RYR3: variants seen among roughly 807,000 people sequenced by gnomAD.
RYR3 encodes the protein ryanodine receptor 3.
Under a neutral mutation model 584.3 loss-of-function variants are expected in RYR3, and 207 were observed. That is an observed-to-expected ratio of 0.35 (90% CI 0.32 to 0.40). RYR3 has a LOEUF of 0.40. Ranked by LOEUF, RYR3 falls within the 10% of genes least tolerant of loss-of-function variation. The probability of loss-of-function intolerance (pLI) is 1.00; values close to 1 mark genes in which losing one functional copy is unlikely to be tolerated. For missense variants in RYR3, 5,616 were observed against 6,089.2 expected (o/e 0.92, Z 2.59); for synonymous variants, 2,416 against 2,248.5 (o/e 1.07, Z -2.11).
chr15:33,811,435 T>C (rs1045420601), intron 72 of RYR3, among the ~76,000 whole-genome samples: 7 of 151,224 alleles, frequency 4.6e-5, no homozygotes, highest in African/African-American at 7.3e-5. Context: ...GGTGTGAACC[T>C]GGGAGACGGA....
At chr15:33,630,074 A>G in intron 22 of RYR3, 31 bp downstream of exon 22, 1 of 1,213,752 alleles carries the variant, frequency 8.2e-7, no homozygotes, top group Non-Finnish European at 1.2e-6. Flanking sequence ...AAGTTTTACA[A>G]ACAATGAATA....
At chr15:33,739,495 A>C (rs1449131967) in intron 50 of RYR3, among the ~76,000 whole-genome samples, 1 of 147,648 alleles carries the variant, frequency 6.8e-6, no homozygotes, top group Non-Finnish European at 1.5e-5. Context: ...GACCATCCTT[A>C]GCAGACAAGT....
At chr15:33,814,028 C>A (rs899930819) in intron 74 of RYR3, among the ~76,000 whole-genome samples, 1 of 152,204 alleles carries the variant, frequency 6.6e-6, no homozygotes. Flanking sequence ...ACTTGAAAAT[C>A]TTTTAGCACA....
Position 33,757,397 on chromosome 15 carries a change from A to G in RYR3, c.8584-78A>G, listed in dbSNP as rs968653835. 2.0e-5 allele frequency: 30 copies of G among 1,496,394 alleles called. No homozygotes were observed. In the African/African-American group the frequency reaches 3.2e-4, roughly 16 times the overall value. The allele number at this position is 1,496,394 out of a possible 1,614,324, so 92.7% of individuals were successfully genotyped here. A position where few individuals can be genotyped will look rare whatever the true frequency, so the allele number is the denominator to read the frequency against. On this transcript the variant is annotated intron_variant, in intron 59 of 103. Coordinates refer to ENST00000634891, the MANE Select transcript of RYR3 (RefSeq NM_001036.6). Reference sequence around the variant, plus strand: ...GGGTTCAGAGGCTTTTTGCTCACTGAAAATAAACACTTTTAAATGAACCAA... The same window carrying G: ...GGGTTCAGAGGCTTTTTGCTCACTGGAAATAAACACTTTTAAATGAACCAA...
chr15:33,531,822 T>G (rs2141059452), intron 4 of RYR3, among the ~76,000 whole-genome samples: 2 of 152,174 alleles, frequency 1.3e-5, no homozygotes, highest in Admixed American at 1.3e-4. Flanking sequence ...ATATCTGGAA[T>G]TGAGAAGGTG....
intron 57 of RYR3, among the ~76,000 whole-genome samples, chr15:33,750,871 T>C (rs2071221277): frequency 6.6e-6 from 1 of 152,036 alleles, no homozygotes; most frequent in Non-Finnish European, 1.5e-5. Flanking sequence ...ATCCCTCCCC[T>C]ACCCCCACAA....
chr15:33,750,624 AATG>A (rs2071190067), intron 57 of RYR3, among the ~76,000 whole-genome samples: 1 of 152,204 alleles, frequency 6.6e-6, no homozygotes, highest in South Asian at 2.1e-4. Context: ...TGGAGTTATA[AATG>A]ACATCCATAA....
At chr15:33,717,755 C>G (rs2067608411) in intron 43 of RYR3, among the ~76,000 whole-genome samples, 1 of 152,204 alleles carries the variant, frequency 6.6e-6, no homozygotes, top group South Asian at 2.1e-4. Context: ...GGGGGTGGCT[C>G]TGTTCCACTG....
chr15:33,748,621 C>T (rs1415054438), intron 55 of RYR3, 91 bp downstream of exon 55: 4 of 1,064,626 alleles, frequency 3.8e-6, no homozygotes, highest in South Asian at 2.7e-5. Context: ...GAAAGAATGC[C>T]TAGAACATAT....
intron 67 of RYR3, among the ~76,000 whole-genome samples, chr15:33,790,787 A>G (rs186213606): frequency 7.9e-5 from 12 of 152,306 alleles, no homozygotes; most frequent in African/African-American, 2.9e-4. Flanking sequence ...GTTCCTCAGT[A>G]CTAAGAGGTC....
At chr15:33,841,751 A>C in intron 90 of RYR3, 113 bp from the exon 91 acceptor site, 1 of 1,064,980 alleles carries the variant, frequency 9.4e-7, no homozygotes, top group Non-Finnish European at 1.3e-6. Flanking sequence ...ACCTTCAAGG[A>C]ATGATTCTAC....
chr15:33,531,508 G>A (rs987581086), intron 4 of RYR3, among the ~76,000 whole-genome samples: 2 of 151,870 alleles, frequency 1.3e-5, no homozygotes, highest in African/African-American at 2.4e-5. Context: ...AAACTGATAC[G>A]TTAATTCAAG....
intron 2 of RYR3, among the ~76,000 whole-genome samples, chr15:33,491,794 C>G (rs28733044): frequency 6.6e-6 from 1 of 152,132 alleles, no homozygotes; most frequent in Non-Finnish European, 1.5e-5. Flanking sequence ...CCAGTCCCCC[C>G]AGATACTGAG....
intron 3 of RYR3, among the ~76,000 whole-genome samples, chr15:33,508,572 C>T (rs1267067242): frequency 6.6e-6 from 1 of 152,104 alleles, no homozygotes; most frequent in Non-Finnish European, 1.5e-5. Context: ...ATGGTGTGAA[C>T]CTGGGAGGTG....
At chr15:33,538,945 AAAGTGTGT>A (rs1305678387) in intron 5 of RYR3, among the ~76,000 whole-genome samples, 1 of 152,114 alleles carries the variant, frequency 6.6e-6, no homozygotes, top group African/African-American at 2.4e-5. Context: ...GACAAAGATG[AAAGTGTGT>A]AAGTGTGCAG....
At chr15:33,809,511 C>G (rs2076394203) in intron 70 of RYR3, among the ~76,000 whole-genome samples, 1 of 152,068 alleles carries the variant, frequency 6.6e-6, no homozygotes, top group African/African-American at 2.4e-5. Context: ...CCCACCTGGA[C>G]CCACCAAGTG....
chr15:33,692,927 A>T (rs938160610), intron 38 of RYR3, among the ~76,000 whole-genome samples: 8 of 152,184 alleles, frequency 5.3e-5, no homozygotes. Context: ...ACTTGGTTTT[A>T]TTATGATTCT....
chr15:33,738,383 A>G (rs375742787), intron 49 of RYR3, 67 bp from the exon 50 acceptor site: 29 of 1,489,840 alleles, frequency 1.9e-5, no homozygotes, highest in East Asian at 9.6e-5. Flanking sequence ...TCTCTCCTGC[A>G]TGTTTTTGAT....
At chr15:33,807,742 C>T (rs1429429344) in intron 70 of RYR3, 173 bp downstream of exon 70, 1 of 663,024 alleles carries the variant, frequency 1.5e-6, no homozygotes, top group African/African-American at 1.8e-5. Context: ...TGAATGTAGG[C>T]CTACCCACCC....
Sources: allele counts gnomAD v4.1 joint callset (sites outside exome capture counted in the v4.1 genomes callset), GRCh38; gene constraint gnomAD v4.1.1; transcripts MANE v1.5; gene names NCBI Gene and HGNC (gene_info 2026-07-23, HGNC 2026-07-21).